Variants in STAU2 observed in about 807,000 individuals in gnomAD.
STAU2 encodes double-stranded RNA-binding protein Staufen homolog 2.
In STAU2, 20 loss-of-function variants were observed where a neutral mutation model predicts 65.9. The observed-to-expected ratio is 0.30, with a 90% CI of 0.21 to 0.44. The LOEUF (loss-of-function observed/expected upper bound fraction) is 0.44. STAU2 is among the 20% of genes least tolerant of loss of function. The pLI is 1.00. For missense variants in STAU2, 558 were observed against 683.9 expected (o/e 0.82, Z 2.05); for synonymous variants, 232 against 233.9 (o/e 0.99, Z 0.07).
chr8:73,668,465 G>A (rs568008439), intron 6 of STAU2, among the ~76,000 whole-genome samples: 28 of 152,236 alleles, frequency 1.8e-4, no homozygotes, highest in South Asian at 8.3e-4. Flanking sequence ...TTGGCCATTT[G>A]CTAAGCAATA....
At chr8:73,426,699 C>T (rs754859007) in intron 13 of STAU2, among the ~76,000 whole-genome samples, 2 of 152,030 alleles carry the variant, frequency 1.3e-5, no homozygotes, top group South Asian at 2.1e-4. Flanking sequence ...GTTTTTTGTC[C>T]GTTCATCTGT....
chr8:73,569,561 T>C (rs995296873), intron 12 of STAU2, among the ~76,000 whole-genome samples: 2 of 151,502 alleles, frequency 1.3e-5, no homozygotes, highest in African/African-American at 4.8e-5. Flanking sequence ...CACCTTCCAG[T>C]AGGGGCTGAC....
At chr8:73,681,115 C>T (rs1450049219) in intron 5 of STAU2, among the ~76,000 whole-genome samples, 1 of 152,040 alleles carries the variant, frequency 6.6e-6, no homozygotes, top group Non-Finnish European at 1.5e-5. Context: ...GGTCAAGGAA[C>T]ACCCAGGGAA....
intron 11 of STAU2, among the ~76,000 whole-genome samples, chr8:73,587,720 C>G (rs1449580447): frequency 6.6e-6 from 1 of 151,900 alleles, no homozygotes; most frequent in Non-Finnish European, 1.5e-5. Context: ...ACATGAGAAA[C>G]CAAGAGATAG....
At chr8:73,580,447 T>C (rs1044307620) in intron 12 of STAU2, among the ~76,000 whole-genome samples, 5 of 152,230 alleles carry the variant, frequency 3.3e-5, no homozygotes, top group Non-Finnish European at 5.9e-5. Flanking sequence ...CAAATTCCTG[T>C]CTTCCCCCAC....
chr8:73,643,831 T>C, intron 6 of STAU2, among the ~76,000 whole-genome samples: 1 of 152,324 alleles, frequency 6.6e-6, no homozygotes, highest in East Asian at 1.9e-4. Flanking sequence ...ATTTATTAAA[T>C]AGTTGTACAC....
chr8:73,732,255 T>C (rs898951722), intron 3 of STAU2, among the ~76,000 whole-genome samples: 2 of 152,228 alleles, frequency 1.3e-5, no homozygotes, highest in African/African-American at 4.8e-5. Context: ...ACATGGCAGC[T>C]AACTATTCTC....
chr8:73,684,920 G>A (rs759780173), intron 5 of STAU2, among the ~76,000 whole-genome samples: 3 of 152,148 alleles, frequency 2.0e-5, no homozygotes, highest in Non-Finnish European at 4.4e-5. Context: ...ATATGGTTTG[G>A]CTGTGTCCCC....
At chr8:73,548,355 TGATTCTCA>T (rs1445586295) in intron 13 of STAU2, among the ~76,000 whole-genome samples, 2 of 151,790 alleles carry the variant, frequency 1.3e-5, no homozygotes, top group Non-Finnish European at 2.9e-5. Context: ...GGTGAAAGGT[TGATTCTCA>T]GATTCTCAGG....
intron 13 of STAU2, among the ~76,000 whole-genome samples, chr8:73,513,238 T>C (rs1343345441): frequency 6.6e-6 from 1 of 152,204 alleles, no homozygotes; most frequent in Non-Finnish European, 1.5e-5. Flanking sequence ...ATCCATCTCC[T>C]TCATGGTGCA....
intron 11 of STAU2, among the ~76,000 whole-genome samples, chr8:73,585,438 C>T (rs1003423981): frequency 2.2e-4 from 34 of 152,338 alleles, no homozygotes; most frequent in African/African-American, 7.5e-4. Flanking sequence ...TGAGATCGTG[C>T]CATTGCACAC....
intron 11 of STAU2, among the ~76,000 whole-genome samples, chr8:73,586,102 A>G (rs1810346498): frequency 6.6e-6 from 1 of 152,232 alleles, no homozygotes; most frequent in Non-Finnish European, 1.5e-5. Flanking sequence ...GCAAACAAAT[A>G]TAGGAGGCAA....
At chr8:73,663,801 G>C (rs990339591) in intron 6 of STAU2, among the ~76,000 whole-genome samples, 1 of 152,028 alleles carries the variant, frequency 6.6e-6, no homozygotes, top group African/African-American at 2.4e-5. Context: ...CTCTGAATAT[G>C]TTTTCACGCT....
chr8:73,713,705 G>A (rs1351542005), intron 3 of STAU2, among the ~76,000 whole-genome samples: 2 of 152,060 alleles, frequency 1.3e-5, no homozygotes, highest in Admixed American at 6.6e-5. Flanking sequence ...AGAAAAAACA[G>A]CAGAATAAAA....
chr8:73,689,991 G>A (rs1395762771), intron 4 of STAU2, among the ~76,000 whole-genome samples: 5 of 148,590 alleles, frequency 3.4e-5, no homozygotes, highest in African/African-American at 1.2e-4. Context: ...AAATGTCAAT[G>A]TCATAAAAGG....
intron 13 of STAU2, among the ~76,000 whole-genome samples, chr8:73,463,229 G>A (rs1274670055): frequency 6.6e-6 from 1 of 152,218 alleles, no homozygotes; most frequent in Admixed American, 6.5e-5. Context: ...AATGAAAATG[G>A]CCATAGACCT....
At chr8:73,747,425 G>A, upstream of STAU2, 1 of 1,535,192 alleles carries the variant, frequency 6.5e-7, no homozygotes, top group Non-Finnish European at 8.7e-7. Context: ...GTGCTGTGCA[G>A]GGGACGCGCG....
At chr8:73,468,639 G>A (rs1285637483) in intron 13 of STAU2, among the ~76,000 whole-genome samples, 1 of 152,172 alleles carries the variant, frequency 6.6e-6, no homozygotes, top group African/African-American at 2.4e-5. Context: ...CAAAAAGTGG[G>A]CGAAGGATAT....
intron 6 of STAU2, among the ~76,000 whole-genome samples, chr8:73,633,746 C>T (rs1407613441): frequency 6.6e-6 from 1 of 152,106 alleles, no homozygotes; most frequent in Non-Finnish European, 1.5e-5. Flanking sequence ...TTTGGGAGGC[C>T]GAGGCGGCTG....
Sources: allele counts gnomAD v4.1 joint callset (sites outside exome capture counted in the v4.1 genomes callset), GRCh38; gene constraint gnomAD v4.1.1; transcripts MANE v1.5; gene names NCBI Gene and HGNC (gene_info 2026-07-23, HGNC 2026-07-21).